CYP19A1: variants seen among roughly 807,000 people sequenced by gnomAD.
CYP19A1 encodes cytochrome P450 family 19 subfamily A member 1.
CYP19A1 carries 32 observed loss-of-function variants against 44.4 expected under a neutral mutation model. That is an observed-to-expected ratio of 0.72 (90% CI 0.54 to 0.97). The LOEUF (loss-of-function observed/expected upper bound fraction) is 0.97. CYP19A1 is among the 50% of genes least tolerant of loss of function. The pLI, the probability that CYP19A1 is intolerant of heterozygous loss-of-function variation, is 0.00. For missense variants in CYP19A1, 598 were observed against 637.8 expected, an observed-to-expected ratio of 0.94 and a Z score of 0.67; for synonymous variants, 212 against 215.6, an observed-to-expected ratio of 0.98 and a Z score of 0.14.
chr15:51,311,421 A>G (rs911696964), intron 1 of CYP19A1, among the ~76,000 whole-genome samples: 13 of 152,236 alleles, frequency 8.5e-5, no homozygotes, highest in Admixed American at 7.9e-4. Context: ...AAATTATCCA[A>G]TGTGAAAGAT....
chr15:51,227,744 C>A lies in CYP19A1; in HGVS notation c.451+35G>T. On this transcript the variant is annotated intron_variant, in intron 4 of 9. Transcript: ENST00000396402. The stretch of plus-strand genomic sequence containing the variant: ...ATTTCAAAAAAGGCACATTCATAGA[C>A]AAAAAAGATTGTAGCTAACTAAGTA... 2.5e-6 allele frequency: 2 copies of A among 789,822 alleles called. 1 individual carries two copies. The allele number at this position is 789,822 out of a possible 1,614,324, so 48.9% of individuals were successfully genotyped here.
At chr15:51,318,719 CT>C (rs1386922351) in intron 1 of CYP19A1, 1 of 152,204 alleles carries the variant, frequency 6.6e-6, no homozygotes, top group African/African-American at 2.4e-5. Flanking sequence ...ATCAAGGACA[CT>C]TTGTTTTTTG....
At chr15:51,291,614 C>T (rs12594203) in intron 1 of CYP19A1, among the ~76,000 whole-genome samples, 21,982 of 152,086 alleles carry the variant, frequency 0.14, 2,951 homozygotes, top group African/African-American at 0.35. Flanking sequence ...GCAAGACCAA[C>T]GTAGAGAGGG....
chr15:51,295,337 CCCT>C (rs1566916343), intron 1 of CYP19A1, among the ~76,000 whole-genome samples: 1 of 152,038 alleles, frequency 6.6e-6, no homozygotes, highest in Non-Finnish European at 1.5e-5. Flanking sequence ...GCACTCCAGC[CCCT>C]CTTCTCTCAG....
intron 1 of CYP19A1, chr15:51,277,916 T>G (rs1448658094): frequency 6.6e-6 from 1 of 151,322 alleles, no homozygotes; most frequent in Non-Finnish European, 1.5e-5. Context: ...AAAATGAACA[T>G]ATTTCAAAGA....
rs700519 is a variant in CYP19A1, at chr15:51,215,771, G to A, written c.790C>T (p.Arg264Cys). ...AIEVLIAEKR[R>C]RISTEEKLEE... Reference sequence around the variant, plus strand: ...AGTTTCTCTTCTGTGGAAATCCTGCGTCTTTTTTCTGCTATCAGAACTTCT... The same window carrying A: ...AGTTTCTCTTCTGTGGAAATCCTGCATCTTTTTTCTGCTATCAGAACTTCT... The change falls in exon 7 of 10, where the codon CGC becomes TGC. Residue 264 changes from arginine to cysteine, a missense_variant. By Grantham distance (180) the Arg-to-Cys change is radical. Coordinates refer to ENST00000396402, the MANE Select transcript of CYP19A1 (RefSeq NM_000103.4). 0.054 allele frequency: 87,922 copies of A among 1,613,786 alleles called. 5,264 individuals are homozygous for A. Among genetic ancestry groups the A allele is most frequent in the East Asian group, 0.21 (9,407 of 44,836 alleles).
chr15:51,302,214 A>G (rs2036128423), intron 1 of CYP19A1, among the ~76,000 whole-genome samples: 1 of 152,194 alleles, frequency 6.6e-6, no homozygotes, highest in Non-Finnish European at 1.5e-5. Context: ...GAGCTAGTCA[A>G]TAATCTGGAA....
chr15:51,275,513 C>T (rs2035276259), intron 1 of CYP19A1, among the ~76,000 whole-genome samples: 1 of 152,212 alleles, frequency 6.6e-6, no homozygotes, highest in Non-Finnish European at 1.5e-5. Flanking sequence ...GAAATCCCAA[C>T]TTTGCCATTT....
At chr15:51,234,798 A>G (rs775779715) in intron 3 of CYP19A1, among the ~76,000 whole-genome samples, 1 of 152,074 alleles carries the variant, frequency 6.6e-6, no homozygotes, top group Non-Finnish European at 1.5e-5. Context: ...CTACCCCCAG[A>G]GGTTCTGATC....
intron 1 of CYP19A1, among the ~76,000 whole-genome samples, chr15:51,336,625 T>C (rs529436689): frequency 1.3e-5 from 2 of 152,298 alleles, no homozygotes; most frequent in South Asian, 4.1e-4. Context: ...TACTTCACAA[T>C]CAGGAAGAAA....
At chr15:51,278,179 T>C (rs1195568557) in intron 1 of CYP19A1, 1 of 152,026 alleles carries the variant, frequency 6.6e-6, no homozygotes, top group Admixed American at 6.6e-5. Context: ...GACCAAACCA[T>C]TAAAAAAATA....
At chr15:51,229,391 A>C (rs958984395) in intron 3 of CYP19A1, among the ~76,000 whole-genome samples, 33 of 89,050 alleles carry the variant, frequency 3.7e-4, no homozygotes, top group African/African-American at 1.1e-3. Flanking sequence ...TCCTATCTCA[A>C]AAAAAAAAAA....
chr15:51,228,579 G>C (rs1254067058), intron 3 of CYP19A1, among the ~76,000 whole-genome samples: 2 of 152,200 alleles, frequency 1.3e-5, no homozygotes, highest in African/African-American at 4.8e-5. Context: ...CACTGTGGTA[G>C]TAAAGGAAGC....
At chr15:51,307,105 T>C (rs1449441370) in intron 1 of CYP19A1, among the ~76,000 whole-genome samples, 1 of 152,170 alleles carries the variant, frequency 6.6e-6, no homozygotes, top group Non-Finnish European at 1.5e-5. Flanking sequence ...CAATCTGCAA[T>C]GGAAAGCCAC....
chr15:51,302,410 G>T (rs1354314565), intron 1 of CYP19A1, among the ~76,000 whole-genome samples: 1 of 152,234 alleles, frequency 6.6e-6, no homozygotes, highest in Non-Finnish European at 1.5e-5. Flanking sequence ...ATGGGGCTGA[G>T]AGTTGGTTTA....
chr15:51,323,381 G>A (rs554809409), intron 1 of CYP19A1, among the ~76,000 whole-genome samples: 13 of 152,190 alleles, frequency 8.5e-5, no homozygotes, highest in African/African-American at 1.9e-4. Flanking sequence ...CTAAGCTTCC[G>A]AAGAAAGTAA....
Position 51,242,961 on chromosome 15 carries a change from CA to C in CYP19A1, c.-38-12del. The stretch of plus-strand genomic sequence containing the variant: ...GGGCAATTTAGAGTCCTGTGGAAAT[CA>C]AAGGGACAGAAAAATTACAGAATCC... On this transcript the variant is annotated splice_polypyrimidine_tract_variant and intron_variant, in intron 1 of 9. Coordinates refer to ENST00000396402, the MANE Select transcript of CYP19A1 (RefSeq NM_000103.4). 7.2e-7 allele frequency: 1 copy of C among 1,393,164 alleles called. No homozygotes were observed. Among genetic ancestry groups the C allele is most frequent in the Non-Finnish European group, 1.0e-6 (1 of 978,848 alleles). The allele number at this position is 1,393,164 out of a possible 1,614,324, so 86.3% of individuals were successfully genotyped here. A position where few individuals can be genotyped will look rare whatever the true frequency, so the allele number is the denominator to read the frequency against.
chr15:51,243,638 G>T (rs985147465), intron 1 of CYP19A1, among the ~76,000 whole-genome samples: 1 of 152,140 alleles, frequency 6.6e-6, no homozygotes, highest in Non-Finnish European at 1.5e-5. Context: ...AAAAAGAATT[G>T]CAGAGGAAGA....
At chr15:51,313,211 A>G (rs16964258) in intron 1 of CYP19A1, 30,118 of 152,264 alleles carry the variant, frequency 0.2, 5,870 homozygotes, top group African/African-American at 0.49. Context: ...TCAAAAGGTG[A>G]GTGGATTGAT....
Sources: gnomAD v4.1 joint callset for allele counts (sites outside exome capture counted in the v4.1 genomes callset) on GRCh38, gnomAD v4.1.1 for gene constraint, MANE v1.5 for transcripts, NCBI Gene and HGNC (gene_info 2026-07-23, HGNC 2026-07-21) for gene names.